The following ACVR2A variants were observed in gnomAD, a reference collection of about 807,000 sequenced individuals.
The protein encoded by ACVR2A is activin A receptor type 2A.
Under a neutral mutation model 61.4 loss-of-function variants are expected in ACVR2A, and 7 were observed. The observed-to-expected ratio is 0.11, with a 90% CI of 0.06 to 0.21. The LOEUF is 0.21. Among genes scored for constraint, ACVR2A ranks in the 10% least tolerant of loss-of-function variants. The pLI is 1.00. For missense variants in ACVR2A, 322 were observed against 621.7 expected (o/e 0.52, Z 5.13); for synonymous variants, 193 against 208.3 (o/e 0.93, Z 0.63).
intron 1 of ACVR2A, among the ~76,000 whole-genome samples, chr2:147,868,770 C>T (rs1025124325): frequency 5.9e-5 from 9 of 151,866 alleles, no homozygotes; most frequent in African/African-American, 2.2e-4. Flanking sequence ...AAGCTAGGAC[C>T]ACAGGCATGC....
intron 1 of ACVR2A, among the ~76,000 whole-genome samples, chr2:147,862,693 G>A (rs560140618): frequency 1.3e-3 from 190 of 151,680 alleles, no homozygotes; most frequent in Admixed American, 2.2e-3. Context: ...GCAGTGAGCC[G>A]AGATTGCGCC....
At chr2:147,898,045 C>T (rs1001885476) in intron 2 of ACVR2A, among the ~76,000 whole-genome samples, 1 of 152,106 alleles carries the variant, frequency 6.6e-6, no homozygotes, top group Non-Finnish European at 1.5e-5. Context: ...AGACAATACT[C>T]CAGCTATGTG....
chr2:147,872,581 A>G (rs369176970), intron 1 of ACVR2A, among the ~76,000 whole-genome samples: 2 of 150,048 alleles, frequency 1.3e-5, no homozygotes. Context: ...CTACTAGATG[A>G]ACATGGTAGA....
chr2:147,899,302 AAC>A, intron 2 of ACVR2A, 154 bp from the exon 3 acceptor site: 1 of 478,484 alleles, frequency 2.1e-6, no homozygotes, highest in South Asian at 5.6e-5. Flanking sequence ...GGAATCCAGG[AAC>A]ATTTTTGGTT....
At chr2:147,925,110 G>A (rs915798348) in intron 9 of ACVR2A, among the ~76,000 whole-genome samples, 2 of 151,996 alleles carry the variant, frequency 1.3e-5, no homozygotes, top group African/African-American at 4.8e-5. Flanking sequence ...ACTGCTCAGT[G>A]GTGACCTGTG....
At chr2:147,877,211 A>AT (rs1686181066) in intron 1 of ACVR2A, among the ~76,000 whole-genome samples, 1 of 152,052 alleles carries the variant, frequency 6.6e-6, no homozygotes, top group Non-Finnish European at 1.5e-5. Flanking sequence ...ACTAGTAAGA[A>AT]TTTTTTTGTC....
chr2:147,887,499 CTA>C (rs1007628515), intron 1 of ACVR2A, among the ~76,000 whole-genome samples: 2 of 152,172 alleles, frequency 1.3e-5, no homozygotes, highest in Non-Finnish European at 2.9e-5. Context: ...TCACCACCTT[CTA>C]TCTTCTTTCT....
intron 1 of ACVR2A, among the ~76,000 whole-genome samples, chr2:147,845,446 G>GTGT (rs1449465766): frequency 2.7e-5 from 4 of 150,264 alleles, no homozygotes; most frequent in Non-Finnish European, 4.4e-5. Flanking sequence ...AGTGAGTGCT[G>GTGT]TGTTGTTGTG....
intron 1 of ACVR2A, among the ~76,000 whole-genome samples, chr2:147,877,930 A>G (rs1300874760): frequency 6.6e-6 from 1 of 152,166 alleles, no homozygotes; most frequent in East Asian, 1.9e-4. Context: ...TACATTTATC[A>G]TGCTGCTTTT....
At chr2:147,870,485 G>A (rs768810795) in intron 1 of ACVR2A, among the ~76,000 whole-genome samples, 11 of 152,054 alleles carry the variant, frequency 7.2e-5, no homozygotes, top group Admixed American at 3.9e-4. Flanking sequence ...GTCACATTTC[G>A]TACAATTCTT....
intron 7 of ACVR2A, among the ~76,000 whole-genome samples, chr2:147,919,206 A>AT (rs1304583230): frequency 6.6e-6 from 1 of 152,140 alleles, no homozygotes. Context: ...GCATTAACTG[A>AT]TTCACAGAAC....
chr2:147,906,485 C>T (rs924104760), intron 4 of ACVR2A, among the ~76,000 whole-genome samples: 1 of 152,026 alleles, frequency 6.6e-6, no homozygotes, highest in Non-Finnish European at 1.5e-5. Context: ...GTTGCTTCAA[C>T]AATTTTAGGC....
chr2:147,914,749 G>A (rs999097026), intron 4 of ACVR2A, among the ~76,000 whole-genome samples: 1 of 151,966 alleles, frequency 6.6e-6, no homozygotes, highest in Non-Finnish European at 1.5e-5. Context: ...AGTCACTGGA[G>A]AAAGTAATAG....
intron 4 of ACVR2A, among the ~76,000 whole-genome samples, chr2:147,913,841 A>T (rs534344085): frequency 5.3e-5 from 8 of 150,852 alleles, no homozygotes; most frequent in African/African-American, 1.9e-4. Flanking sequence ...AAAAAAAAAA[A>T]AAAAAAAAAA....
Position 147,917,743 on chromosome 2 carries a change from C to T in ACVR2A, c.816+317C>T, listed in dbSNP as rs138711132. On this transcript the variant is annotated intron_variant, in intron 6 of 10. Transcript: ENST00000241416. ...CTTAGTAATTTTCATTTACCATTTA[C>T]AATTCATTTTGATTACGTGAACCAT... Among the ~76,000 whole-genome samples the T allele has an allele frequency of 2.4e-3, 360 of 151,996 alleles. 2 individuals are homozygous for T. Among genetic ancestry groups the T allele is most frequent in the African/African-American group, 8.0e-3 (332 of 41,528 alleles).
At position 147,919,891 on chromosome 2, in the gene ACVR2A, G is replaced by A. The variant is rs1687339074; in HGVS notation, c.963-339G>A. On this transcript the variant is annotated intron_variant, in intron 7 of 10. Coordinates refer to ENST00000241416, the MANE Select transcript of ACVR2A (RefSeq NM_001616.5). ...GTTTAAAATTTCTGTTTCTATGGGAGTTTGCAAATCAGAACTCTGAGATAT... is the reference window on the plus strand; with the variant it reads ...GTTTAAAATTTCTGTTTCTATGGGAATTTGCAAATCAGAACTCTGAGATAT... 3.9e-5 allele frequency among the ~76,000 whole-genome samples: 6 copies of A among 152,266 alleles called. No homozygotes were observed. The South Asian group carries it at 1.2e-3, about 32-fold the overall frequency.
intron 1 of ACVR2A, among the ~76,000 whole-genome samples, chr2:147,871,509 G>A (rs969695594): frequency 2.6e-5 from 4 of 151,994 alleles, no homozygotes; most frequent in Non-Finnish European, 5.9e-5. Context: ...CTGCATTTAC[G>A]TAGGTATGTA....
At chr2:147,923,553 C>T (rs1185175224) in intron 9 of ACVR2A, among the ~76,000 whole-genome samples, 2 of 151,952 alleles carry the variant, frequency 1.3e-5, no homozygotes, top group African/African-American at 4.8e-5. Context: ...GTTTCTATTA[C>T]TTGTTCTTGT....
At chr2:147,916,821 T>C (rs2105215333) in intron 5 of ACVR2A, among the ~76,000 whole-genome samples, 1 of 152,098 alleles carries the variant, frequency 6.6e-6, no homozygotes, top group South Asian at 2.1e-4. Flanking sequence ...TAGGGTATGC[T>C]AAACATTTTT....
Sources: gnomAD v4.1 joint callset for allele counts (sites outside exome capture counted in the v4.1 genomes callset) on GRCh38, gnomAD v4.1.1 for gene constraint, MANE v1.5 for transcripts, NCBI Gene and HGNC (gene_info 2026-07-23, HGNC 2026-07-21) for gene names.